The following MEGF11 variants were observed in gnomAD, a reference collection of about 807,000 sequenced individuals.
The protein encoded by MEGF11 is multiple EGF like domains 11, also known as multiple epidermal growth factor-like domains protein 11.
A neutral mutation model predicts 146.6 loss-of-function variants in MEGF11; 126 were observed. That is an observed-to-expected ratio of 0.86 (90% CI 0.74 to 1.00). The LOEUF (loss-of-function observed/expected upper bound fraction) is 1.00, where lower values mean the gene tolerates loss of function less well. MEGF11 is among the 50% of genes least tolerant of loss of function. The pLI, the probability that MEGF11 is intolerant of heterozygous loss-of-function variation, is 0.00. For missense variants in MEGF11, 1,509 were observed against 1,521.2 expected (o/e 0.99, Z 0.13); for synonymous variants, 532 against 583.4 (o/e 0.91, Z 1.27).
chr15:66,093,187 C>T (rs1597075275), intron 5 of MEGF11, among the ~76,000 whole-genome samples: 1 of 152,150 alleles, frequency 6.6e-6, no homozygotes, highest in East Asian at 1.9e-4. Flanking sequence ...TCATGGACTC[C>T]CTGAGCTAAG....
At position 65,895,592 on chromosome 15, in the gene MEGF11, C is replaced by T. The variant is rs960541862; in HGVS notation, c.*2342G>A. Reference sequence around the variant, plus strand: ...GATGGTGTTAGACAGAAGTTTCTAACAGTTGCTTTGTAAGATTGAAATGTC... The same window carrying T: ...GATGGTGTTAGACAGAAGTTTCTAATAGTTGCTTTGTAAGATTGAAATGTC... On this transcript the variant is annotated 3_prime_UTR_variant, in exon 26 of 26. Transcript: ENST00000395614. 3 of 152,608 alleles carry T rather than the reference C, an allele frequency of 2.0e-5. No homozygotes were observed. The highest frequency in any genetic ancestry group is 7.2e-5 in the African/African-American group (3 of 41,444). The allele number at this position is 152,608 out of a possible 1,614,324, so 9.5% of individuals were successfully genotyped here. A position where few individuals can be genotyped will look rare whatever the true frequency, so the allele number is the denominator to read the frequency against.
intron 5 of MEGF11, among the ~76,000 whole-genome samples, chr15:66,042,034 C>T (rs1445506608): frequency 6.6e-6 from 1 of 152,092 alleles, no homozygotes; most frequent in Non-Finnish European, 1.5e-5. Context: ...AGGGCTCTAG[C>T]TCAACAACTT....
At chr15:66,207,720 C>T (rs2091337612) in intron 1 of MEGF11, among the ~76,000 whole-genome samples, 3 of 152,126 alleles carry the variant, frequency 2.0e-5, no homozygotes. Context: ...ATGCCAAAAG[C>T]AATAATTACA....
intron 4 of MEGF11, among the ~76,000 whole-genome samples, chr15:66,111,635 G>A (rs200960402): frequency 6.7e-4 from 102 of 152,242 alleles, no homozygotes; most frequent in African/African-American, 2.2e-3. Context: ...CTTGGAAGTC[G>A]CCAGCTCCAT....
At chr15:65,967,521 G>A (rs965948247) in intron 8 of MEGF11, among the ~76,000 whole-genome samples, 2 of 152,150 alleles carry the variant, frequency 1.3e-5, no homozygotes, top group Admixed American at 6.5e-5. Flanking sequence ...TACAGACAGG[G>A]CAGGGAGATT....
At chr15:66,237,648 G>A (rs954839713) in intron 1 of MEGF11, among the ~76,000 whole-genome samples, 2 of 152,128 alleles carry the variant, frequency 1.3e-5, no homozygotes, top group Non-Finnish European at 2.9e-5. Flanking sequence ...GAGTAGTTTG[G>A]GAGAATTGAA....
chr15:66,242,878 GA>G (rs762246276), intron 1 of MEGF11, among the ~76,000 whole-genome samples: 2 of 152,132 alleles, frequency 1.3e-5, no homozygotes, highest in Non-Finnish European at 2.9e-5. Context: ...ATCTAATTTG[GA>G]AATCTACTGA....
chr15:65,971,634 G>A (rs1403372154), intron 7 of MEGF11, among the ~76,000 whole-genome samples: 1 of 152,138 alleles, frequency 6.6e-6, no homozygotes, highest in Non-Finnish European at 1.5e-5. Context: ...CCTTTCTAGG[G>A]ACACTGAGGA....
At chr15:66,192,394 G>C (rs1455928028) in intron 1 of MEGF11, among the ~76,000 whole-genome samples, 1 of 151,226 alleles carries the variant, frequency 6.6e-6, no homozygotes, top group Non-Finnish European at 1.5e-5. Context: ...CGTTTGAACT[G>C]AGGAGATGGA....
intron 7 of MEGF11, among the ~76,000 whole-genome samples, chr15:65,976,332 C>T (rs936202354): frequency 3.3e-5 from 5 of 152,182 alleles, no homozygotes; most frequent in Non-Finnish European, 4.4e-5. Flanking sequence ...TGAGCCACCA[C>T]GCCCGGCCAA....
chr15:66,209,156 C>G (rs1036705016), intron 1 of MEGF11, among the ~76,000 whole-genome samples: 3 of 152,090 alleles, frequency 2.0e-5, no homozygotes, highest in Non-Finnish European at 4.4e-5. Context: ...CGAGACCATC[C>G]TGGCTAACAC....
chr15:65,987,945 G>A (rs373245182), intron 5 of MEGF11, among the ~76,000 whole-genome samples: 6 of 150,416 alleles, frequency 4.0e-5, no homozygotes, highest in South Asian at 2.1e-4. Context: ...TCCTGACCTC[G>A]TGATCTGCCC....
chr15:66,132,181 AG>A lies in MEGF11; in HGVS notation c.-8-3771del, dbSNP rs1183583970. 1.2e-4 allele frequency among the ~76,000 whole-genome samples: 18 copies of A among 152,320 alleles called. No individual in the cohort carries two copies. In the East Asian group the frequency reaches 3.3e-3, roughly 28 times the overall value. On this transcript the variant is annotated intron_variant, in intron 1 of 25. Transcript: ENST00000395614. Reference sequence around the variant, plus strand: ...CCTCTGGAGGCCCCTGCCTCTGCCTAGGACCCTGCCATCATTAGCACCAGCA... The same window carrying A: ...CCTCTGGAGGCCCCTGCCTCTGCCTAGACCCTGCCATCATTAGCACCAGCA...
chr15:65,899,044 A>G, intron 24 of MEGF11, 110 bp from the exon 25 acceptor site: 1 of 1,052,590 alleles, frequency 9.5e-7, no homozygotes, highest in South Asian at 1.6e-5. Flanking sequence ...TAGAGCTGGA[A>G]AAGCCAGGAT....
At position 66,005,081 on chromosome 15, in the gene MEGF11, T is replaced by G. The variant is rs1342998130; in HGVS notation, c.395-22593A>C. Among the ~76,000 whole-genome samples, 4 of 152,144 alleles carry G rather than the reference T, an allele frequency of 2.6e-5. 1 individual carries two copies. Among genetic ancestry groups the G allele is most frequent in the Admixed American group, 1.3e-4 (2 of 15,274 alleles). ...CCTCTGCTCTCCATCTGGGGCAACA[T>G]AGGGAGACTCCATCTCTTAAAAAAG... On this transcript the variant is annotated intron_variant, in intron 5 of 25. Coordinates refer to ENST00000395614, the MANE Select transcript of MEGF11 (RefSeq NM_001385028.1).
chr15:66,065,319 CCA>C, intron 5 of MEGF11, among the ~76,000 whole-genome samples: 1 of 151,904 alleles, frequency 6.6e-6, no homozygotes, highest in East Asian at 1.9e-4. Context: ...AAAAAAAGAT[CCA>C]GTTTATCTCC....
chr15:66,042,987 A>C (rs1191042336), intron 5 of MEGF11, among the ~76,000 whole-genome samples: 3 of 152,180 alleles, frequency 2.0e-5, no homozygotes, highest in Non-Finnish European at 4.4e-5. Context: ...TGTAACAGGG[A>C]ATGTCTCAAA....
Position 65,944,885 on chromosome 15 carries a change from T to C in MEGF11, c.1287+12662A>G, listed in dbSNP as rs573321458. On this transcript the variant is annotated intron_variant, in intron 10 of 25. Transcript: ENST00000395614. ...TCCGCATCCCCAACTCCCCAACTCA[T>C]ATAAACTCTCAGGTTTTTTTTTTTT... is the stretch of plus-strand genomic sequence containing the variant. 2.0e-5 allele frequency among the ~76,000 whole-genome samples: 3 copies of C among 150,564 alleles called. No homozygotes were observed. The East Asian group carries it at 5.9e-4, about 29-fold the overall frequency.
intron 1 of MEGF11, among the ~76,000 whole-genome samples, chr15:66,137,386 C>T (rs182882304): frequency 5.7e-4 from 87 of 152,198 alleles, no homozygotes; most frequent in East Asian, 4.6e-3. Context: ...ATGTGAAAAA[C>T]GCAGGTTACA....
Sources: allele counts gnomAD v4.1 joint callset (sites outside exome capture counted in the v4.1 genomes callset), GRCh38; gene constraint gnomAD v4.1.1; transcripts MANE v1.5; gene names NCBI Gene and HGNC (gene_info 2026-07-23, HGNC 2026-07-21).